The following TRIT1 variants were observed in gnomAD, a reference collection of about 807,000 sequenced individuals.
The protein encoded by TRIT1 is tRNA isopentenyltransferase 1, also known as tRNA dimethylallyltransferase.
TRIT1 carries 43 observed loss-of-function variants against 51.2 expected under a neutral mutation model. The ratio of observed to expected loss-of-function variants is 0.84; its 90% CI spans 0.66 to 1.08. TRIT1 has a LOEUF of 1.08. Ranked by LOEUF, TRIT1 falls within the 50% of genes least tolerant of loss-of-function variation. The pLI, the probability that TRIT1 is intolerant of heterozygous loss-of-function variation, is 0.00. For missense variants in TRIT1, 528 were observed against 578.4 expected (o/e 0.91, Z 0.89); for synonymous variants, 184 against 203.9 (o/e 0.90, Z 0.83).
chr1:39,848,563 C>A (rs192179565), intron 5 of TRIT1, among the ~76,000 whole-genome samples: 4 of 150,722 alleles, frequency 2.7e-5, no homozygotes, highest in Non-Finnish European at 4.4e-5. Flanking sequence ...AGGTGGCTCA[C>A]GCCTGTAATC....
intron 2 of TRIT1, among the ~76,000 whole-genome samples, chr1:39,855,948 C>T (rs1371546448): frequency 6.6e-6 from 1 of 152,068 alleles, no homozygotes; most frequent in Non-Finnish European, 1.5e-5. Flanking sequence ...GAGGCCGAGG[C>T]AGTAGGACCA....
intron 2 of TRIT1, among the ~76,000 whole-genome samples, 174 bp from the exon 3 acceptor site, chr1:39,854,242 A>G (rs1403596994): frequency 6.6e-6 from 1 of 152,220 alleles, no homozygotes; most frequent in African/African-American, 2.4e-5. Context: ...ATCATGTCCA[A>G]TCAGTTCTGG....
intron 2 of TRIT1, 132 bp from the exon 3 acceptor site, chr1:39,854,200 C>T (rs948231236): frequency 3.2e-6 from 2 of 631,960 alleles, no homozygotes; most frequent in Non-Finnish European, 5.4e-6. Context: ...TGCGTTGATA[C>T]CAGCCCTCAG....
chr1:39,851,866 G>C (rs1223644131), intron 4 of TRIT1, among the ~76,000 whole-genome samples: 1 of 151,112 alleles, frequency 6.6e-6, no homozygotes, highest in East Asian at 1.9e-4. Flanking sequence ...GAGGACATCT[G>C]AGCCCAGGAG....
intron 1 of TRIT1, among the ~76,000 whole-genome samples, chr1:39,858,439 T>C (rs61779839): frequency 0.16 from 24,765 of 152,182 alleles, 2,270 homozygotes; most frequent in Non-Finnish European, 0.22. Flanking sequence ...ATCAGTAAAA[T>C]GAAAATAATA....
chr1:39,844,052 A>G (rs369978093), intron 10 of TRIT1, 49 bp downstream of exon 10: 150 of 1,357,320 alleles, frequency 1.1e-4, no homozygotes, highest in Non-Finnish European at 1.4e-4. Flanking sequence ...CATGAAGTCA[A>G]TGTGAACCCA....
At position 39,838,655 on chromosome 1, in the gene TRIT1, T is replaced by A. The variant is rs59188948; in HGVS notation, c.*3089A>T. On this transcript the variant is annotated 3_prime_UTR_variant, in exon 11 of 11. Coordinates refer to ENST00000316891, the MANE Select transcript of TRIT1 (RefSeq NM_017646.6). The stretch of plus-strand genomic sequence containing the variant: ...CCCGGCATGCATACATATATATATA[T>A]GTAAGTATGTATGTATGTATATATT... Among the ~76,000 whole-genome samples the A allele has an allele frequency of 3.3e-5, 5 of 152,192 alleles. No individual in the cohort carries two copies. The South Asian group carries it at 1.0e-3, about 32-fold the overall frequency.
At position 39,868,180 on chromosome 1, in the gene TRIT1, T is replaced by C. The variant is rs558739217; in HGVS notation, c.175-10763A>G. On this transcript the variant is annotated intron_variant, in intron 1 of 10. Transcript: ENST00000316891. The stretch of plus-strand genomic sequence containing the variant: ...CCAGGATGGTCTCGATCTCCTGACC[T>C]CGTGATCCATAAAAGAAAAAAAAAG... Among the ~76,000 whole-genome samples, 4 of 151,450 alleles carry C rather than the reference T, an allele frequency of 2.6e-5. No homozygotes were observed. The East Asian group carries it at 5.8e-4, about 22-fold the overall frequency.
intron 8 of TRIT1, among the ~76,000 whole-genome samples, chr1:39,845,775 T>A (rs887863181): frequency 1.3e-5 from 2 of 152,076 alleles, no homozygotes; most frequent in African/African-American, 4.8e-5. Flanking sequence ...GGTGGGGAAG[T>A]CCCCCTGGCT....
At chr1:39,861,784 C>T (rs1350491308) in intron 1 of TRIT1, among the ~76,000 whole-genome samples, 3 of 151,928 alleles carry the variant, frequency 2.0e-5, no homozygotes, top group Non-Finnish European at 2.9e-5. Context: ...ATTAGCCAGG[C>T]GTGGTAGCAG....
intron 1 of TRIT1, among the ~76,000 whole-genome samples, chr1:39,861,917 C>T (rs1343685264): frequency 7.1e-6 from 1 of 140,302 alleles, no homozygotes; most frequent in Non-Finnish European, 1.5e-5. Context: ...GAGCAAGGCT[C>T]TGTCTCAAAA....
intron 5 of TRIT1, among the ~76,000 whole-genome samples, chr1:39,849,269 G>A (rs1642420882): frequency 6.6e-6 from 1 of 152,144 alleles, no homozygotes. Flanking sequence ...AAACAGAAAG[G>A]TAAACTAATT....
chr1:39,864,945 C>T (rs1643453362), intron 1 of TRIT1, among the ~76,000 whole-genome samples: 1 of 152,206 alleles, frequency 6.6e-6, no homozygotes, highest in Non-Finnish European at 1.5e-5. Context: ...ATGTCCTTCC[C>T]ATTTCAAATT....
chr1:39,854,930 C>A (rs1642809252), intron 2 of TRIT1, among the ~76,000 whole-genome samples: 1 of 101,832 alleles, frequency 9.8e-6, no homozygotes, highest in South Asian at 3.2e-4. Flanking sequence ...CAGCCTCAAC[C>A]TCCCAGGGCT....
At chr1:39,856,708 C>A (rs1642923209) in intron 2 of TRIT1, among the ~76,000 whole-genome samples, 1 of 152,036 alleles carries the variant, frequency 6.6e-6, no homozygotes, top group African/African-American at 2.4e-5. Context: ...GCAAAAATTT[C>A]TTGGTTTTAC....
At chr1:39,853,865 G>A (rs1642735675) in intron 3 of TRIT1, 105 bp downstream of exon 3, 3 of 731,820 alleles carry the variant, frequency 4.1e-6, no homozygotes, top group Admixed American at 2.8e-5. Flanking sequence ...AATTATAGTT[G>A]CTGGGTATAA....
chr1:39,848,700 G>C (rs866774791), intron 5 of TRIT1, among the ~76,000 whole-genome samples: 1 of 151,706 alleles, frequency 6.6e-6, no homozygotes, highest in African/African-American at 2.4e-5. Context: ...GCGCGCGCCT[G>C]TAATCCCAGC....
intron 1 of TRIT1, among the ~76,000 whole-genome samples, chr1:39,861,661 T>C (rs905641676): frequency 6.6e-6 from 1 of 152,112 alleles, no homozygotes; most frequent in Non-Finnish European, 1.5e-5. Flanking sequence ...CGGTGGGTCG[T>C]GCCTATAATC....
At chr1:39,882,230 T>G (rs951264718) in intron 1 of TRIT1, among the ~76,000 whole-genome samples, 2 of 152,230 alleles carry the variant, frequency 1.3e-5, no homozygotes, top group African/African-American at 4.8e-5. Context: ...CAAATTATTT[T>G]TTGAATTATC....
Sources: gnomAD v4.1 joint callset for allele counts (sites outside exome capture counted in the v4.1 genomes callset) on GRCh38, gnomAD v4.1.1 for gene constraint, MANE v1.5 for transcripts, NCBI Gene and HGNC (gene_info 2026-07-23, HGNC 2026-07-21) for gene names.